Variants in PNPLA1 observed in about 807,000 individuals in gnomAD.
PNPLA1 encodes omega-hydroxyceramide transacylase.
In PNPLA1, 36 loss-of-function variants were observed where a neutral mutation model predicts 51.7. That is an observed-to-expected ratio of 0.70 (90% CI 0.53 to 0.92). The LOEUF is 0.92. PNPLA1 is among the 40% of genes least tolerant of loss of function. PNPLA1 has a pLI of 0.00. For synonymous variants in PNPLA1, 293 were observed against 280.1 expected (o/e 1.05, Z -0.46); for missense variants, 658 against 682.5 (o/e 0.96, Z 0.40).
intron 1 of PNPLA1, among the ~76,000 whole-genome samples, chr6:36,290,691 C>T (rs993601585): frequency 6.6e-6 from 1 of 152,186 alleles, no homozygotes; most frequent in Non-Finnish European, 1.5e-5. Context: ...ATGGCACAGG[C>T]GAGCCTTACA....
At position 36,279,801 on chromosome 6, in the gene PNPLA1, A is replaced by G. The variant is rs183116510; in HGVS notation, c.205+9137A>G. Among the ~76,000 whole-genome samples, 153 of 152,372 alleles carry G rather than the reference A, an allele frequency of 1.0e-3. 1 individual carries two copies. Among genetic ancestry groups the G allele is most frequent in the Non-Finnish European group, 1.8e-3 (123 of 68,040 alleles). The stretch of plus-strand genomic sequence containing the variant: ...CACAAAATAAGTCTTTGAAGAATGA[A>G]TGTTGAATGAATGGATGAATACGTG... On this transcript the variant is annotated intron_variant, in intron 1 of 8. Transcript: ENST00000636260.
intron 1 of PNPLA1, among the ~76,000 whole-genome samples, chr6:36,281,407 G>T (rs1770277717): frequency 6.6e-6 from 1 of 152,162 alleles, no homozygotes; most frequent in African/African-American, 2.4e-5. Flanking sequence ...AGTGTCTTTT[G>T]AATAACAGCT....
upstream of PNPLA1, among the ~76,000 whole-genome samples, chr6:36,265,978 C>T (rs1219821094): frequency 6.6e-6 from 1 of 152,224 alleles, no homozygotes; most frequent in Non-Finnish European, 1.5e-5. Flanking sequence ...TGGGCTCACA[C>T]ACTCTCCTTC....
chr6:36,248,971 G>A (rs1769365352), intron 1 of PNPLA1, among the ~76,000 whole-genome samples: 1 of 152,220 alleles, frequency 6.6e-6, no homozygotes, highest in Non-Finnish European at 1.5e-5. Flanking sequence ...GGCCCAATGG[G>A]GAAGGTGCAG....
At chr6:36,310,332 C>T (rs1245043062) in intron 8 of PNPLA1, among the ~76,000 whole-genome samples, 1 of 152,146 alleles carries the variant, frequency 6.6e-6, no homozygotes, top group Non-Finnish European at 1.5e-5. Context: ...CCTTGGCTCT[C>T]CTCCAGTAAG....
In PNPLA1 at chr6:36,264,192, T is replaced by C. The variant is rs886943709; in HGVS notation, c.-81+20931T>C. Among the ~76,000 whole-genome samples the C allele has an allele frequency of 4.6e-5, 7 of 152,336 alleles. No homozygotes were observed. The East Asian group carries it at 1.4e-3, about 29-fold the overall frequency. Reference sequence around the variant, plus strand: ...TGTGGGTACCATTGATAAACCCACATTGTGACCTGAGAAATTCCTATGCAG... The same window carrying C: ...TGTGGGTACCATTGATAAACCCACACTGTGACCTGAGAAATTCCTATGCAG... On this transcript the variant is annotated intron_variant, in intron 1 of 7. Coordinates refer to the PNPLA1 transcript ENST00000312917.
upstream of PNPLA1, among the ~76,000 whole-genome samples, chr6:36,267,402 C>T (rs988146792): frequency 2.0e-5 from 3 of 152,322 alleles, no homozygotes; most frequent in Non-Finnish European, 2.9e-5. Flanking sequence ...AGCTCCTCCA[C>T]GGCCTTGCTG....
At chr6:36,249,525 A>C (rs1769376420) in intron 1 of PNPLA1, among the ~76,000 whole-genome samples, 1 of 152,208 alleles carries the variant, frequency 6.6e-6, no homozygotes, top group African/African-American at 2.4e-5. Context: ...AAAATAAAAC[A>C]ATGGCCTGGG....
intron 1 of PNPLA1, among the ~76,000 whole-genome samples, chr6:36,251,194 T>A (rs1405114189): frequency 6.6e-6 from 1 of 152,174 alleles, no homozygotes; most frequent in African/African-American, 2.4e-5. Context: ...TAACTAACTA[T>A]TCATTCATTG....
At chr6:36,255,867 G>A (rs1327331684) in intron 1 of PNPLA1, among the ~76,000 whole-genome samples, 1 of 152,186 alleles carries the variant, frequency 6.6e-6, no homozygotes, top group East Asian at 1.9e-4. Context: ...ACTCTAACAT[G>A]CATCTGAAAC....
chr6:36,302,295 C>G lies in PNPLA1; in HGVS notation c.1210C>G (p.Gln404Glu). Reference protein sequence around the residue: ...PGLSPLSPQQQVQPSGSPARS... With the variant: ...PGLSPLSPQQEVQPSGSPARS... ...ACTGTCACCTCTGTCACCTCAGCAGCAGGTACAACCGTCTGGATCACCAGC... is the reference window on the plus strand; with the variant it reads ...ACTGTCACCTCTGTCACCTCAGCAGGAGGTACAACCGTCTGGATCACCAGC... Residue 404 changes from glutamine (Q) to glutamate (E), a missense_variant, in exon 6 of 9, where the codon CAG (glutamine) becomes GAG (glutamate). By Grantham distance (29) the Gln-to-Glu change is conservative (BLOSUM62 2). Transcript: ENST00000636260. 1.2e-6 allele frequency: 2 copies of G among 1,614,176 alleles called. No individual in the cohort carries two copies. The highest frequency in any genetic ancestry group is 1.7e-6 in the Non-Finnish European group (2 of 1,180,028).
intron 6 of PNPLA1, among the ~76,000 whole-genome samples, chr6:36,304,498 G>T (rs1425404307): frequency 6.6e-6 from 1 of 151,932 alleles, no homozygotes; most frequent in Non-Finnish European, 1.5e-5. Context: ...ATGGTGGCAA[G>T]TACCTGCAGT....
At chr6:36,300,513 C>T (rs1037848075) in intron 5 of PNPLA1, among the ~76,000 whole-genome samples, 5 of 152,090 alleles carry the variant, frequency 3.3e-5, no homozygotes, top group South Asian at 2.1e-4. Flanking sequence ...AGTTGACTAT[C>T]GGTCAGGTAT....
At chr6:36,275,007 T>C (rs561469716) in intron 1 of PNPLA1, among the ~76,000 whole-genome samples, 2 of 152,252 alleles carry the variant, frequency 1.3e-5, no homozygotes, top group East Asian at 3.8e-4. Flanking sequence ...TTTGCTTCGA[T>C]GTCTTTTGTT....
chr6:36,304,225 C>T (rs1464880732), intron 6 of PNPLA1, among the ~76,000 whole-genome samples: 1 of 152,118 alleles, frequency 6.6e-6, no homozygotes, highest in Non-Finnish European at 1.5e-5. Flanking sequence ...ACTTCCAGAG[C>T]TATTATGGTA....
rs780961873 is a variant in PNPLA1 at position 36,291,474 on chromosome 6, C to G, written c.360C>G (p.Leu120=). 6.2e-7 allele frequency: 1 copy of G among 1,613,446 alleles called. No homozygotes were observed. The highest frequency in any genetic ancestry group is 8.5e-7 in the Non-Finnish European group (1 of 1,179,716). ...EDSYKVTTGK[L]HVSLTRLTDG... ...CCTACAAGGTCACCACGGGGAAGCT[C>G]CATGTGAGCCTCACCCGCTTAACGG... Residue 120 remains leucine (L), a synonymous_variant, in exon 2 of 9, where the codon CTC becomes CTG. Coordinates refer to ENST00000636260, the MANE Select transcript of PNPLA1 (RefSeq NM_001374623.1).
chr6:36,300,139 G>A (rs1770984713), intron 5 of PNPLA1, among the ~76,000 whole-genome samples: 1 of 145,014 alleles, frequency 6.9e-6, no homozygotes, highest in South Asian at 2.2e-4. Context: ...GCCTATAACA[G>A]TTTCTCAGAC....
At chr6:36,290,614 G>A (rs1386205460) in intron 1 of PNPLA1, among the ~76,000 whole-genome samples, 1 of 152,150 alleles carries the variant, frequency 6.6e-6, no homozygotes, top group Non-Finnish European at 1.5e-5. Flanking sequence ...GGGTTCTGGG[G>A]ACTTGGGGTG....
At chr6:36,304,438 C>G (rs1318187180) in intron 6 of PNPLA1, among the ~76,000 whole-genome samples, 1 of 151,940 alleles carries the variant, frequency 6.6e-6, no homozygotes, top group Non-Finnish European at 1.5e-5. Context: ...CCAGCCTAGC[C>G]AACGTGGTGA....
Sources: allele counts gnomAD v4.1 joint callset (sites outside exome capture counted in the v4.1 genomes callset), GRCh38; gene constraint gnomAD v4.1.1; transcripts MANE v1.5; gene names NCBI Gene and HGNC (gene_info 2026-07-23, HGNC 2026-07-21).